Variants in PRELID2 observed in about 807,000 individuals in gnomAD.
PRELID2 encodes the protein PRELI domain-containing protein 2.
Under a neutral mutation model 28.4 loss-of-function variants are expected in PRELID2, and 25 were observed. The ratio of observed to expected loss-of-function variants is 0.88; its 90% CI spans 0.64 to 1.23. PRELID2 has a LOEUF of 1.23. Ranked by LOEUF, PRELID2 falls within the 50% of genes most tolerant of loss-of-function variation. The pLI is 0.00. For missense variants in PRELID2, 201 were observed against 214.4 expected (o/e 0.94, Z 0.39); for synonymous variants, 76 against 71.6 (o/e 1.06, Z -0.31).
At chr5:145,229,972 T>C in the PRELID2 span, 12 of 741,280 alleles carry the variant, frequency 1.6e-5, no homozygotes, top group African/African-American at 3.4e-5. Flanking sequence ...TATGAGCCGA[T>C]TGATGACACC....
the PRELID2 span, among the ~76,000 whole-genome samples, chr5:145,335,800 G>A: frequency 2.6e-5 from 4 of 152,180 alleles, no homozygotes; most frequent in Admixed American, 2.6e-4. Context: ...TAATGGGATG[G>A]CTGGGTCAAA....
chr5:145,650,092 T>A (rs1320733204), intron 1 of PRELID2, among the ~76,000 whole-genome samples: 1 of 152,208 alleles, frequency 6.6e-6, no homozygotes, highest in African/African-American at 2.4e-5. Flanking sequence ...GACTTGAATT[T>A]CTCCAAGAAC....
intron 1 of PRELID2, among the ~76,000 whole-genome samples, chr5:145,521,306 C>A (rs971042968): frequency 6.6e-6 from 1 of 152,114 alleles, no homozygotes; most frequent in Non-Finnish European, 1.5e-5. Context: ...CACCATCTAT[C>A]CCAGAGTCTT....
chr5:145,772,001 G>A (rs953970983), intron 5 of PRELID2, among the ~76,000 whole-genome samples: 5 of 152,190 alleles, frequency 3.3e-5, no homozygotes, highest in African/African-American at 1.2e-4. Context: ...TCCATGAAGA[G>A]ATCTTCTACC....
At chr5:145,585,573 T>C (rs949314549) in intron 1 of PRELID2, among the ~76,000 whole-genome samples, 2 of 152,168 alleles carry the variant, frequency 1.3e-5, no homozygotes, top group Admixed American at 6.6e-5. Flanking sequence ...TTGAGTATAA[T>C]AATCGTCCAT....
chr5:145,429,055 T>C, the PRELID2 span, among the ~76,000 whole-genome samples: 3 of 152,196 alleles, frequency 2.0e-5, no homozygotes. Flanking sequence ...GAGAAACTCC[T>C]GGGAGCCCTT....
At chr5:145,655,197 G>A (rs1581031387) in intron 1 of PRELID2, among the ~76,000 whole-genome samples, 2 of 152,036 alleles carry the variant, frequency 1.3e-5, no homozygotes, top group East Asian at 3.9e-4. Context: ...TACAAGGGAT[G>A]TGAAGGACCT....
intron 5 of PRELID2, among the ~76,000 whole-genome samples, chr5:145,794,261 A>G (rs900115830): frequency 1.3e-5 from 2 of 152,146 alleles, no homozygotes; most frequent in African/African-American, 4.8e-5. Context: ...TTCAGTTCCC[A>G]GTGAAGACCT....
chr5:145,356,382 G>A, the PRELID2 span, among the ~76,000 whole-genome samples: 77 of 151,772 alleles, frequency 5.1e-4, no homozygotes, highest in African/African-American at 1.7e-3. Flanking sequence ...ATAATATCCC[G>A]CTATTATTGT....
At chr5:145,601,228 A>G (rs1580994882) in intron 1 of PRELID2, among the ~76,000 whole-genome samples, 2 of 152,334 alleles carry the variant, frequency 1.3e-5, no homozygotes, top group East Asian at 3.9e-4. Flanking sequence ...TATAATTGTG[A>G]AATAAAAATT....
chr5:145,302,017 A>G, the PRELID2 span, among the ~76,000 whole-genome samples: 11 of 151,750 alleles, frequency 7.2e-5, no homozygotes, highest in South Asian at 1.9e-3. Flanking sequence ...CACACAAAAA[A>G]AAGATGGCCA....
At chr5:145,263,792 A>G in the PRELID2 span, among the ~76,000 whole-genome samples, 1 of 152,050 alleles carries the variant, frequency 6.6e-6, no homozygotes, top group African/African-American at 2.4e-5. Context: ...GTCAGGAAAC[A>G]ATAGAAAATC....
At chr5:145,244,151 C>T in the PRELID2 span, among the ~76,000 whole-genome samples, 1 of 152,050 alleles carries the variant, frequency 6.6e-6, no homozygotes, top group Admixed American at 6.6e-5. Context: ...GACGGGGTTT[C>T]AGTATGTTGG....
chr5:145,597,036 A>T (rs1329717350), intron 1 of PRELID2, among the ~76,000 whole-genome samples: 2 of 152,188 alleles, frequency 1.3e-5, no homozygotes, highest in African/African-American at 4.8e-5. Flanking sequence ...ATAGCAGAAA[A>T]CATAAGCACA....
intron 1 of PRELID2, among the ~76,000 whole-genome samples, chr5:145,734,109 ATCTTG>A (rs1561563159): frequency 6.6e-6 from 1 of 152,076 alleles, no homozygotes. Context: ...CCCTGCCAAC[ATCTTG>A]ATTTTTTTAA....
Position 145,587,971 on chromosome 5 carries a change from A to G in PRELID2, n.71-114656T>C, listed in dbSNP as rs192195636. ...CAGCCACCACTTAGAAAGAGGGAGT[A>G]GAAATTTCTTAATTGATCATTTTTG... On this transcript the variant is annotated intron_variant and non_coding_transcript_variant, in intron 1 of 2. Coordinates refer to the PRELID2 transcript ENST00000510259. 6.6e-5 allele frequency among the ~76,000 whole-genome samples: 10 copies of G among 152,296 alleles called. No individual in the cohort carries two copies. The East Asian group carries it at 1.9e-3, about 30-fold the overall frequency.
chr5:145,731,132 C>T (rs1358231933), intron 1 of PRELID2, among the ~76,000 whole-genome samples: 1 of 152,224 alleles, frequency 6.6e-6, no homozygotes, highest in African/African-American at 2.4e-5. Flanking sequence ...TTAACTCTTA[C>T]ATGTTCTACA....
chr5:145,644,472 G>A (rs989801168), intron 1 of PRELID2, among the ~76,000 whole-genome samples: 4 of 151,796 alleles, frequency 2.6e-5, no homozygotes, highest in African/African-American at 9.7e-5. Context: ...ACAGCTCCTG[G>A]ATTCACTGAT....
intron 3 of PRELID2, 102 bp from the exon 4 acceptor site, chr5:145,818,156 G>A (rs1462000073): frequency 4.1e-6 from 5 of 1,215,288 alleles, no homozygotes; most frequent in South Asian, 2.9e-5. Context: ...AAGAGGACAA[G>A]TAATCCTGAT....
Sources: allele counts gnomAD v4.1 joint callset (sites outside exome capture counted in the v4.1 genomes callset), GRCh38; gene constraint gnomAD v4.1.1; transcripts MANE v1.5; gene names NCBI Gene and HGNC (gene_info 2026-07-23, HGNC 2026-07-21).